Variants in STK32B observed in about 807,000 individuals in gnomAD.
STK32B encodes the protein serine/threonine kinase 32B, also known as serine/threonine-protein kinase 32B.
STK32B carries 43 observed loss-of-function variants against 52.6 expected under a neutral mutation model. The ratio of observed to expected loss-of-function variants is 0.82; its 90% CI spans 0.64 to 1.05. The LOEUF (loss-of-function observed/expected upper bound fraction) is 1.05. Among genes scored for constraint, STK32B ranks in the 50% least tolerant of loss-of-function variants. STK32B has a pLI of 0.00. For synonymous variants in STK32B, 238 were observed against 204.3 expected (o/e 1.17, Z -1.41); for missense variants, 621 against 534.6 (o/e 1.16, Z -1.59).
At chr4:5,259,999 T>C (rs575945573) in intron 3 of STK32B, among the ~76,000 whole-genome samples, 187 of 151,808 alleles carry the variant, frequency 1.2e-3, no homozygotes, top group Non-Finnish European at 2.4e-3. Flanking sequence ...GGAATCTTCC[T>C]GAGGGGGGGT....
intron 3 of STK32B, among the ~76,000 whole-genome samples, chr4:5,322,016 A>G (rs796274152): frequency 7.1e-6 from 1 of 140,978 alleles, no homozygotes; most frequent in African/African-American, 2.9e-5. Flanking sequence ...TAAAAAAAAA[A>G]AAAAAGTGGT....
rs1560186676 is a variant in STK32B at position 5,159,783 on chromosome 4, T to TATGAATATATATATGAATATATGAATGTA, written c.109-8516_109-8515insATGAATATATATATGAATATATGAATGTA. Among the ~76,000 whole-genome samples, 382 of 130,670 alleles carry TATGAATATATATATGAATATATGAATGTA rather than the reference T, an allele frequency of 2.9e-3. 51 individuals carry two copies. The East Asian group carries it at 0.033, about 11-fold the overall frequency. The allele number at this position is 130,670 out of a possible 152,430, so 85.7% of individuals were successfully genotyped here. ...AATATATATATGAATATATGAATGTTTATGAATATATATATGAATATATAT... is the reference window on the plus strand; with the variant it reads ...AATATATATATGAATATATGAATGTTATGAATATATATATGAATATATGAATGTATATGAATATATATATGAATATATAT... On this transcript the variant is annotated intron_variant, in intron 2 of 11. Transcript: ENST00000282908.
At chr4:5,320,344 C>T (rs942082424) in intron 3 of STK32B, among the ~76,000 whole-genome samples, 16 of 152,094 alleles carry the variant, frequency 1.1e-4, no homozygotes, top group Non-Finnish European at 2.9e-5. Context: ...GGTCCAGTGC[C>T]TCTTGATTTT....
Position 5,453,145 on chromosome 4 carries a change from C to T in STK32B, c.667-3662C>T, listed in dbSNP as rs1434885745. Among the ~76,000 whole-genome samples the T allele has an allele frequency of 1.3e-5, 2 of 151,918 alleles. No homozygotes were observed. Among genetic ancestry groups the T allele is most frequent in the Non-Finnish European group, 2.9e-5 (2 of 68,008 alleles). ...TATTTCCTGCACTGGCTTCCTAGTG[C>T]ATTGGAGTTATTATTATCATCATTG... On this transcript the variant is annotated intron_variant, in intron 7 of 11. Transcript: ENST00000282908. The surrounding 1 kb of genome is among the most constrained non-coding windows in gnomAD (Gnocchi z 4.0).
At chr4:5,143,331 T>C (rs1384311869) in intron 2 of STK32B, among the ~76,000 whole-genome samples, 1 of 152,188 alleles carries the variant, frequency 6.6e-6, no homozygotes, top group Non-Finnish European at 1.5e-5. Flanking sequence ...TCTTGTCTCC[T>C]TGGTGCTTTT....
chr4:5,295,611 GTGA>G (rs1414037791), intron 3 of STK32B, among the ~76,000 whole-genome samples: 2 of 152,150 alleles, frequency 1.3e-5, no homozygotes, highest in Admixed American at 6.5e-5. Context: ...TGTGGGATCA[GTGA>G]TGATATCTTC....
chr4:5,366,566 A>G (rs1734892890), intron 4 of STK32B, among the ~76,000 whole-genome samples: 1 of 152,198 alleles, frequency 6.6e-6, no homozygotes, highest in Middle Eastern at 3.2e-3. Flanking sequence ...TGAGGGAAAA[A>G]TGTGCACAGC....
chr4:5,155,018 T>C (rs1389260938), intron 2 of STK32B, among the ~76,000 whole-genome samples: 1 of 152,226 alleles, frequency 6.6e-6, no homozygotes, highest in Non-Finnish European at 1.5e-5. Context: ...CTGCTTTCTA[T>C]CCTCTCTGTC....
At chr4:5,425,442 A>G (rs1713011371) in intron 6 of STK32B, among the ~76,000 whole-genome samples, 1 of 147,664 alleles carries the variant, frequency 6.8e-6, no homozygotes, top group Admixed American at 6.7e-5. Context: ...ACTGTCCATT[A>G]TCTTTCCTGA....
At chr4:5,259,732 A>G (rs1726574115) in intron 3 of STK32B, among the ~76,000 whole-genome samples, 1 of 152,128 alleles carries the variant, frequency 6.6e-6, no homozygotes, top group African/African-American at 2.4e-5. Flanking sequence ...CTGGGATGAG[A>G]GCTCTGAGGC....
intron 3 of STK32B, among the ~76,000 whole-genome samples, chr4:5,279,439 T>C (rs1728051120): frequency 6.9e-6 from 1 of 145,356 alleles, no homozygotes; most frequent in South Asian, 2.1e-4. Flanking sequence ...TTCCAAGGTT[T>C]TGAGCAGCCT....
rs148526224 is a variant in STK32B at position 5,292,049 on chromosome 4, G to A, written c.261-39171G>A. Among the ~76,000 whole-genome samples the A allele has an allele frequency of 3.6e-3, 553 of 152,214 alleles. 2 individuals carry two copies. Among genetic ancestry groups the A allele is most frequent in the African/African-American group, 0.012 (497 of 41,546 alleles). On this transcript the variant is annotated intron_variant, in intron 3 of 11. Coordinates refer to ENST00000282908, the MANE Select transcript of STK32B (RefSeq NM_018401.3). The stretch of plus-strand genomic sequence containing the variant: ...GCACTTAAGTTGATTCCATGCGATA[G>A]GCAGCAAGGTTGATGCCATGTCTTT...
chr4:5,468,896 A>T (rs1319009381), intron 11 of STK32B, among the ~76,000 whole-genome samples: 6 of 152,134 alleles, frequency 3.9e-5, no homozygotes, highest in Non-Finnish European at 1.5e-5. Flanking sequence ...TAAAAATACA[A>T]AAAGTTAGCT....
intron 6 of STK32B, chr4:5,426,905 G>A (rs1713156694): frequency 6.6e-6 from 1 of 152,116 alleles, no homozygotes; most frequent in East Asian, 1.9e-4. Context: ...AGGTGAAGCA[G>A]TGGGACTGCT....
intron 1 of STK32B, among the ~76,000 whole-genome samples, chr4:5,063,420 G>C (rs1166429629): frequency 6.6e-6 from 1 of 152,032 alleles, no homozygotes; most frequent in Admixed American, 6.5e-5. Flanking sequence ...TTGGCTCACT[G>C]CAACCTCCAC....
rs1326513855 is a variant in STK32B at position 5,394,778 on chromosome 4, A to G, written c.435-3429A>G. On this transcript the variant is annotated intron_variant, in intron 4 of 11. Transcript: ENST00000282908. The surrounding 1 kb of genome is among the most constrained non-coding windows in gnomAD (Gnocchi z 4.2). ...TGGCTGTTGCTGTTCCCATTTCCCAAATGAGGAAAACAAGGCTGAGAGTAA... is the reference window on the plus strand; with the variant it reads ...TGGCTGTTGCTGTTCCCATTTCCCAGATGAGGAAAACAAGGCTGAGAGTAA... Among the ~76,000 whole-genome samples, 3 of 152,212 alleles carry G rather than the reference A, an allele frequency of 2.0e-5. No homozygotes were observed.
intron 7 of STK32B, among the ~76,000 whole-genome samples, chr4:5,454,777 G>A (rs114337677): frequency 0.012 from 1,753 of 152,218 alleles, 44 homozygotes; most frequent in African/African-American, 0.04. Context: ...TTTGTGTCAC[G>A]TAAGGGGCAT....
At chr4:5,357,088 TAC>T (rs33916543) in intron 4 of STK32B, among the ~76,000 whole-genome samples, 6,402 of 148,634 alleles carry the variant, frequency 0.043, 313 homozygotes, top group African/African-American at 0.11. Flanking sequence ...CACACACGTA[TAC>T]ACACACACAC....
chr4:5,489,851 C>G (rs1006453291), intron 11 of STK32B, among the ~76,000 whole-genome samples: 2 of 152,022 alleles, frequency 1.3e-5, no homozygotes, highest in African/African-American at 4.8e-5. Flanking sequence ...AATACAATTT[C>G]TTAAGAGATT....
Sources: allele counts gnomAD v4.1 joint callset (sites outside exome capture counted in the v4.1 genomes callset), GRCh38; gene constraint gnomAD v4.1.1; non-coding constraint Gnocchi (gnomAD v3.1); transcripts MANE v1.5; gene names NCBI Gene and HGNC (gene_info 2026-07-23, HGNC 2026-07-21).